ERBB4: variants seen among roughly 807,000 people sequenced by gnomAD.
The protein encoded by ERBB4 is receptor tyrosine-protein kinase erbB-4.
Under a neutral mutation model 158.0 loss-of-function variants are expected in ERBB4, and 42 were observed. The ratio of observed to expected loss-of-function variants is 0.27; its 90% CI spans 0.21 to 0.34. ERBB4 has a LOEUF of 0.34. Among genes scored for constraint, ERBB4 ranks in the 10% least tolerant of loss-of-function variants. The pLI is 1.00. For missense variants in ERBB4, 1,333 were observed against 1,624.1 expected, an observed-to-expected ratio of 0.82 and a Z score of 3.08; for synonymous variants, 583 against 558.7, an observed-to-expected ratio of 1.04 and a Z score of -0.61.
At chr2:211,773,723 A>G (rs1212174590) in intron 4 of ERBB4, among the ~76,000 whole-genome samples, 1 of 145,592 alleles carries the variant, frequency 6.9e-6, no homozygotes, top group African/African-American at 2.5e-5. Flanking sequence ...ATATATATAT[A>G]CACACACACA....
At chr2:211,986,646 C>G (rs12473886) in intron 2 of ERBB4, among the ~76,000 whole-genome samples, 104,300 of 151,988 alleles carry the variant, frequency 0.69, 38,971 homozygotes, top group Non-Finnish European at 0.85. Flanking sequence ...GATTTCCTAG[C>G]CTTGGAATTC....
At chr2:211,632,431 G>A (rs562115357) in intron 16 of ERBB4, among the ~76,000 whole-genome samples, 2 of 151,900 alleles carry the variant, frequency 1.3e-5, no homozygotes, top group South Asian at 4.1e-4. Flanking sequence ...ATTTTTTATC[G>A]CAAAATATTT....
chr2:212,538,675 A>G lies in ERBB4; in HGVS notation c.-145T>C. 1.5e-6 allele frequency: 1 copy of G among 647,666 alleles called. No homozygotes were observed. Among genetic ancestry groups the G allele is most frequent in the African/African-American group, 1.9e-5 (1 of 51,528 alleles). The allele number at this position is 647,666 out of a possible 1,614,324, so 40.1% of individuals were successfully genotyped here. ...CGGCGCGCGCGGTGTGGCGACTCCCAGGGCGGGCGACCGAGTCCGCGCCCG... is the reference window on the plus strand; with the variant it reads ...CGGCGCGCGCGGTGTGGCGACTCCCGGGGCGGGCGACCGAGTCCGCGCCCG... On this transcript the variant is annotated 5_prime_UTR_variant, in exon 1 of 28. Transcript: ENST00000342788.
intron 2 of ERBB4, among the ~76,000 whole-genome samples, chr2:211,988,260 A>G (rs1267188390): frequency 6.6e-6 from 1 of 152,132 alleles, no homozygotes; most frequent in Non-Finnish European, 1.5e-5. Flanking sequence ...TCCAAATAAC[A>G]AAGAGTACTT....
intron 1 of ERBB4, among the ~76,000 whole-genome samples, chr2:212,419,892 T>C (rs1315748387): frequency 2.0e-5 from 3 of 151,924 alleles, no homozygotes; most frequent in African/African-American, 7.2e-5. Flanking sequence ...GTAGATGATA[T>C]TTTCTACTTT....
intron 20 of ERBB4, among the ~76,000 whole-genome samples, chr2:211,478,648 T>G (rs2065013251): frequency 6.6e-6 from 1 of 151,816 alleles, no homozygotes; most frequent in South Asian, 2.1e-4. Context: ...TTGAATCTAC[T>G]CACTTCTCTC....
chr2:212,532,700 G>C (rs1201676363), intron 1 of ERBB4, among the ~76,000 whole-genome samples: 1 of 152,120 alleles, frequency 6.6e-6, no homozygotes, highest in African/African-American at 2.4e-5. Flanking sequence ...TGCTTTATTC[G>C]CTAGCATCAC....
At chr2:211,781,803 A>G (rs1489327190) in intron 4 of ERBB4, among the ~76,000 whole-genome samples, 1 of 152,160 alleles carries the variant, frequency 6.6e-6, no homozygotes, top group Non-Finnish European at 1.5e-5. Flanking sequence ...GCAAAAAAAA[A>G]GAAAAACCTA....
intron 1 of ERBB4, among the ~76,000 whole-genome samples, chr2:212,536,097 C>G (rs1184906568): frequency 6.6e-6 from 1 of 152,162 alleles, no homozygotes; most frequent in Non-Finnish European, 1.5e-5. Flanking sequence ...CACTTAATTT[C>G]TCATTTGGAC....
intron 20 of ERBB4, among the ~76,000 whole-genome samples, chr2:211,536,350 G>A (rs190458480): frequency 6.5e-4 from 95 of 145,094 alleles, no homozygotes; most frequent in Middle Eastern, 6.9e-3. Flanking sequence ...ATAAATAGAA[G>A]TCATTGGGTA....
intron 3 of ERBB4, among the ~76,000 whole-genome samples, chr2:211,876,472 G>A (rs1288421149): frequency 1.3e-5 from 2 of 151,980 alleles, no homozygotes; most frequent in African/African-American, 4.8e-5. Flanking sequence ...AGCAATTAAA[G>A]TTTATTCTTT....
chr2:211,711,060 A>C (rs1002827834), intron 9 of ERBB4, among the ~76,000 whole-genome samples: 2 of 152,034 alleles, frequency 1.3e-5, no homozygotes, highest in African/African-American at 4.8e-5. Flanking sequence ...AGACAGATAC[A>C]ACAATTATGG....
intron 2 of ERBB4, among the ~76,000 whole-genome samples, chr2:211,998,975 T>A (rs1170230377): frequency 6.6e-6 from 1 of 151,860 alleles, no homozygotes; most frequent in Non-Finnish European, 1.5e-5. Flanking sequence ...GTTTAATCAT[T>A]TAACAAAAAA....
At chr2:212,365,688 ATGATATATAACCTGATATCC>A (rs2089863062) in intron 1 of ERBB4, among the ~76,000 whole-genome samples, 1 of 151,944 alleles carries the variant, frequency 6.6e-6, no homozygotes, top group Admixed American at 6.6e-5. Flanking sequence ...TCCATAATCA[ATGATATATAACCTGATATCC>A]TTGTTTCGGT....
chr2:212,030,236 T>C (rs1024750464), intron 2 of ERBB4, among the ~76,000 whole-genome samples: 35 of 152,120 alleles, frequency 2.3e-4, no homozygotes, highest in African/African-American at 8.4e-4. Context: ...GAGCCTCATA[T>C]ATCTCCCTTT....
intron 1 of ERBB4, among the ~76,000 whole-genome samples, chr2:212,505,730 T>C (rs2106258780): frequency 6.7e-6 from 1 of 148,892 alleles, no homozygotes; most frequent in Middle Eastern, 3.4e-3. Flanking sequence ...ATAATACAAT[T>C]AGGCAAGAAA....
Position 211,714,560 on chromosome 2 carries a change from C to A in ERBB4, c.884-912G>T, listed in dbSNP as rs192559502. On this transcript the variant is annotated intron_variant, in intron 7 of 27. Coordinates refer to ENST00000342788, the MANE Select transcript of ERBB4 (RefSeq NM_005235.3). ...GAAGCATCTATAGTGGGAAAATATG[C>A]CATGTAGATTTATGGCAAGTTTCAT... Among the ~76,000 whole-genome samples, 370 of 152,262 alleles carry A rather than the reference C, an allele frequency of 2.4e-3. 5 individuals carry two copies. Among genetic ancestry groups the A allele is most frequent in the African/African-American group, 8.0e-3 (332 of 41,542 alleles).
At chr2:212,426,234 T>A (rs551972912) in intron 1 of ERBB4, 1 of 493,760 alleles carries the variant, frequency 2.0e-6, no homozygotes, top group East Asian at 6.6e-5. Context: ...ATTTAGTTAC[T>A]TTTTACGTGC....
intron 1 of ERBB4, among the ~76,000 whole-genome samples, chr2:212,457,217 C>T (rs1053985110): frequency 2.0e-5 from 3 of 151,864 alleles, no homozygotes; most frequent in African/African-American, 7.2e-5. Flanking sequence ...TATGTTTTTG[C>T]TCTAAATATA....
Sources: allele counts gnomAD v4.1 joint callset (sites outside exome capture counted in the v4.1 genomes callset), GRCh38; gene constraint gnomAD v4.1.1; transcripts MANE v1.5; gene names NCBI Gene and HGNC (gene_info 2026-07-23, HGNC 2026-07-21).